Variants in WT1 observed in about 807,000 individuals in gnomAD.
The protein encoded by WT1 is Wilms tumor protein.
WT1 carries 8 observed loss-of-function variants against 60.8 expected under a neutral mutation model. The observed-to-expected ratio is 0.13, with a 90% confidence interval of 0.08 to 0.24. The LOEUF (loss-of-function observed/expected upper bound fraction) is 0.24, where lower values mean the gene tolerates loss of function less well. WT1 is among the 10% of genes least tolerant of loss of function. WT1 has a pLI of 1.00. For synonymous variants in WT1, 312 were observed against 297.1 expected, an observed-to-expected ratio of 1.05 and a Z score of -0.52; for missense variants, 568 against 711.8, an observed-to-expected ratio of 0.80 and a Z score of 2.30.
intron 4 of WT1, chr11:32,417,365 TC>T: frequency 1.7e-6 from 1 of 581,846 alleles, no homozygotes; most frequent in Non-Finnish European, 3.1e-6. Context: ...TATTCCTTGT[TC>T]CAGATAGAAA....
At chr11:32,396,121 C>A in intron 7 of WT1, 136 bp downstream of exon 7, 2 of 1,285,440 alleles carry the variant, frequency 1.6e-6, no homozygotes, top group Non-Finnish European at 2.2e-6. Context: ...AGCCTCTTTA[C>A]AACACCTGGA....
chr11:32,408,248 C>A (rs1331357806), intron 5 of WT1, among the ~76,000 whole-genome samples: 1 of 150,350 alleles, frequency 6.7e-6, no homozygotes, highest in African/African-American at 2.5e-5. Flanking sequence ...CGCAGTGGCT[C>A]ACGCCTGTAA....
chr11:32,430,578 A>G (rs771938327), intron 1 of WT1: 89 of 1,609,396 alleles, frequency 5.5e-5, no homozygotes, highest in Admixed American at 4.3e-4. Context: ...AGGGCACTGC[A>G]CAATCCTCAG....
chr11:32,406,534 T>C (rs759949119), intron 5 of WT1, among the ~76,000 whole-genome samples: 13 of 151,726 alleles, frequency 8.6e-5, no homozygotes, highest in Non-Finnish European at 1.8e-4. Flanking sequence ...GGCCCGGGGG[T>C]TGGGGGCCTT....
At chr11:32,412,440 C>T (rs1362434431) in intron 5 of WT1, among the ~76,000 whole-genome samples, 7 of 152,070 alleles carry the variant, frequency 4.6e-5, no homozygotes, top group Non-Finnish European at 8.8e-5. Flanking sequence ...CCCGAGTCCC[C>T]AGAGAATAAC....
intron 9 of WT1, among the ~76,000 whole-genome samples, chr11:32,391,575 A>G (rs1813360304): frequency 6.6e-6 from 1 of 152,248 alleles, no homozygotes; most frequent in South Asian, 2.1e-4. Context: ...CTCTGAAAAT[A>G]GTGCCATTAA....
intron 1 of WT1, among the ~76,000 whole-genome samples, chr11:32,432,138 T>G (rs1239392839): frequency 6.6e-6 from 1 of 152,242 alleles, no homozygotes; most frequent in Admixed American, 6.5e-5. Context: ...TTTAAGAATT[T>G]AAAATATGAA....
chr11:32,395,452 T>C (rs920369752), intron 7 of WT1, among the ~76,000 whole-genome samples: 1 of 150,854 alleles, frequency 6.6e-6, no homozygotes, highest in Non-Finnish European at 1.5e-5. Context: ...TCTTCAAAGA[T>C]AAAAAATCAT....
chr11:32,404,363 C>G (rs969725436), intron 5 of WT1, among the ~76,000 whole-genome samples: 4 of 151,664 alleles, frequency 2.6e-5, no homozygotes, highest in East Asian at 3.9e-4. Context: ...GATAATTGAC[C>G]CTGCTGAATG....
At chr11:32,426,895 C>A (rs537315132) in intron 3 of WT1, among the ~76,000 whole-genome samples, 28 of 152,218 alleles carry the variant, frequency 1.8e-4, no homozygotes, top group African/African-American at 6.7e-4. Context: ...CCTCCACCTG[C>A]GGGACTGGAC....
At chr11:32,406,781 T>C (rs1258395616) in intron 5 of WT1, among the ~76,000 whole-genome samples, 4 of 152,114 alleles carry the variant, frequency 2.6e-5, no homozygotes, top group Admixed American at 6.5e-5. Flanking sequence ...CTGAGAAAAT[T>C]TGCTTTTCCT....
At position 32,435,466 on chromosome 11, in the gene WT1, G is replaced by A. The variant is rs867975105; in HGVS notation, c.-106C>T. On this transcript the variant is annotated 5_prime_UTR_variant, in exon 1 of 10. Transcript: ENST00000452863. ...GTGGGAGGGAGGGCGGGAAGTGGGG[G>A]AGCGGACAGGCGGTCGGGTTGCGGA... The A allele has an allele frequency of 6.3e-5, 90 of 1,429,490 alleles. 1 individual carries two copies. The Middle Eastern group carries it at 1.3e-3, about 20-fold the overall frequency. The allele number at this position is 1,429,490 out of a possible 1,614,324, so 88.6% of individuals were successfully genotyped here.
intron 1 of WT1, 23 bp from the exon 2 acceptor site, chr11:32,428,642 C>A (rs377183377): frequency 6.2e-7 from 1 of 1,609,928 alleles, no homozygotes; most frequent in Non-Finnish European, 8.5e-7. Flanking sequence ...CGGAGAGAAG[C>A]ACAGTGTCAG....
chr11:32,401,507 G>T (rs5030251), intron 5 of WT1, among the ~76,000 whole-genome samples: 6,913 of 77,028 alleles, frequency 0.09, 211 homozygotes, highest in Non-Finnish European at 0.11. Context: ...AAAATTATCG[G>T]GGGGGGGTGT....
chr11:32,432,992 T>G (rs1473700105), intron 1 of WT1, among the ~76,000 whole-genome samples: 1 of 152,130 alleles, frequency 6.6e-6, no homozygotes, highest in Non-Finnish European at 1.5e-5. Flanking sequence ...TTTAGATGGG[T>G]TGCCGAGTTC....
chr11:32,431,401 G>A (rs1489578636), intron 1 of WT1, among the ~76,000 whole-genome samples: 1 of 151,942 alleles, frequency 6.6e-6, no homozygotes, highest in Non-Finnish European at 1.5e-5. Flanking sequence ...CGAGCCTGCG[G>A]GGCTGCGGGA....
intron 3 of WT1, among the ~76,000 whole-genome samples, chr11:32,423,420 G>A (rs1590384873): frequency 6.6e-6 from 1 of 152,248 alleles, no homozygotes; most frequent in African/African-American, 2.4e-5. Context: ...GCCTGCTTCT[G>A]ATAATGGCCT....
At chr11:32,398,853 A>T (rs1852054184) in intron 6 of WT1, among the ~76,000 whole-genome samples, 1 of 150,748 alleles carries the variant, frequency 6.6e-6, no homozygotes, top group Admixed American at 6.7e-5. Flanking sequence ...TTCCAACTAT[A>T]TGACATTCTG....
Position 32,430,452 on chromosome 11 carries a change from G to GGT in WT1, c.662-1834_662-1833insAC, listed in dbSNP as rs1491568550. The GGT allele has an allele frequency of 1.9e-4, 247 of 1,284,258 alleles. 1 individual carries two copies. In the African/African-American group the frequency reaches 3.7e-3, roughly 19 times the overall value. 79.6% of individuals were successfully genotyped at this position (1,284,258 alleles called of 1,614,324 possible). On this transcript the variant is annotated intron_variant, in intron 1 of 9. Transcript: ENST00000452863. ...AGACACAGAGAGAGAGAGAGAGAGGGAGGGAGAGAGAGAGAGAGAGAGAGA... is the reference window on the plus strand; with the variant it reads ...AGACACAGAGAGAGAGAGAGAGAGGGGTAGGGAGAGAGAGAGAGAGAGAGAGA...
Sources: allele counts gnomAD v4.1 joint callset (sites outside exome capture counted in the v4.1 genomes callset), GRCh38; gene constraint gnomAD v4.1.1; transcripts MANE v1.5; gene names NCBI Gene and HGNC (gene_info 2026-07-23, HGNC 2026-07-21).